The following LINGO2 variants were observed in gnomAD, a reference collection of about 807,000 sequenced individuals.
The protein encoded by LINGO2 is leucine-rich repeat and immunoglobulin-like domain-containing nogo receptor-interacting protein 2.
A neutral mutation model predicts 30.6 loss-of-function variants in LINGO2; 14 were observed. The ratio of observed to expected loss-of-function variants is 0.46; its 90% confidence interval spans 0.30 to 0.72. The LOEUF is 0.72. Among genes scored for constraint, LINGO2 ranks in the 30% least tolerant of loss-of-function variants. The pLI, the probability that LINGO2 is intolerant of heterozygous loss-of-function variation, is 0.07. For synonymous variants in LINGO2, 317 were observed against 288.5 expected, an observed-to-expected ratio of 1.10 and a Z score of -1.00; for missense variants, 729 against 751.7, an observed-to-expected ratio of 0.97 and a Z score of 0.35.
intron 3 of LINGO2, among the ~76,000 whole-genome samples, chr9:28,309,059 T>A (rs1300120311): frequency 2.0e-5 from 3 of 152,166 alleles, no homozygotes; most frequent in African/African-American, 7.2e-5. Context: ...AAATACCATT[T>A]GACCCAGCCA....
At chr9:27,988,146 T>A (rs553526034) in intron 5 of LINGO2, among the ~76,000 whole-genome samples, 124 of 152,164 alleles carry the variant, frequency 8.1e-4, no homozygotes, top group African/African-American at 2.7e-3. Context: ...AATGATGGTT[T>A]CCTGCTTCAT....
At chr9:29,007,498 C>G in the LINGO2 span, among the ~76,000 whole-genome samples, 1 of 152,114 alleles carries the variant, frequency 6.6e-6, no homozygotes, top group Non-Finnish European at 1.5e-5. Flanking sequence ...ACCCATATTT[C>G]TCAGACCTTG....
chr9:28,999,320 C>G, the LINGO2 span, among the ~76,000 whole-genome samples: 1 of 151,982 alleles, frequency 6.6e-6, no homozygotes, highest in East Asian at 1.9e-4. Context: ...CTTCATTTCT[C>G]CAGGGGTGAT....
chr9:29,161,487 T>C, the LINGO2 span, among the ~76,000 whole-genome samples: 2 of 152,190 alleles, frequency 1.3e-5, no homozygotes, highest in African/African-American at 4.8e-5. Context: ...ATCCTATGAA[T>C]GTCTCAAAAT....
the LINGO2 span, among the ~76,000 whole-genome samples, chr9:29,182,936 A>G: frequency 2.0e-5 from 3 of 152,206 alleles, no homozygotes; most frequent in African/African-American, 7.2e-5. Context: ...AGAGCTATTC[A>G]TATCTCAATG....
At chr9:27,980,537 C>T (rs1377905611) in intron 5 of LINGO2, among the ~76,000 whole-genome samples, 1 of 151,966 alleles carries the variant, frequency 6.6e-6, no homozygotes, top group South Asian at 2.1e-4. Flanking sequence ...TTGACCGCTG[C>T]TAACAAGATG....
At chr9:28,467,039 G>GC (rs796381475) in intron 2 of LINGO2, among the ~76,000 whole-genome samples, 1 of 150,036 alleles carries the variant, frequency 6.7e-6, no homozygotes, top group South Asian at 2.1e-4. Context: ...TTTTTTTGGG[G>GC]GGGGGGGACG....
At chr9:28,629,988 G>T in intron 1 of LINGO2, among the ~76,000 whole-genome samples, 1 of 145,166 alleles carries the variant, frequency 6.9e-6, no homozygotes, top group African/African-American at 2.6e-5. Flanking sequence ...TGATCTCATT[G>T]TTCAATTCCC....
At chr9:28,447,867 C>A (rs572201424) in intron 2 of LINGO2, among the ~76,000 whole-genome samples, 1 of 152,204 alleles carries the variant, frequency 6.6e-6, no homozygotes, top group South Asian at 2.1e-4. Context: ...TAAATAAGAA[C>A]ACATATTGAT....
chr9:27,950,191 C>G (rs762920432), exon 6 of LINGO2: 1 of 1,614,018 alleles, frequency 6.2e-7, no homozygotes, highest in Non-Finnish European at 8.5e-7. Context: ...TCATTGTCCC[C>G]CACTTCTAGA....
chr9:28,104,150 T>C (rs1826500263), intron 4 of LINGO2, among the ~76,000 whole-genome samples: 2 of 151,890 alleles, frequency 1.3e-5, no homozygotes, highest in African/African-American at 2.4e-5. Flanking sequence ...CTCCTCTCTG[T>C]CCTTCTTGGG....
the LINGO2 span, among the ~76,000 whole-genome samples, chr9:28,923,577 A>C: frequency 6.6e-6 from 1 of 152,200 alleles, no homozygotes; most frequent in African/African-American, 2.4e-5. Context: ...TCCAAGAGTG[A>C]ATCCTGGAAG....
At position 28,147,944 on chromosome 9, in the gene LINGO2, C is replaced by T. The variant is rs560373758; in HGVS notation, c.-86-135539G>A. On this transcript the variant is annotated intron_variant, in intron 4 of 5. Transcript: ENST00000379992. This position sits in a 1 kb window ranked among gnomAD's most constrained non-coding sequence, Gnocchi z 4.7. Reference sequence around the variant, plus strand: ...GTGGGTGACTTAGGAGTATCCTCTCCGCTTCTGACCCTTGGTTTCGTCTGT... The same window carrying T: ...GTGGGTGACTTAGGAGTATCCTCTCTGCTTCTGACCCTTGGTTTCGTCTGT... 9.1e-3 allele frequency among the ~76,000 whole-genome samples: 1,387 copies of T among 152,292 alleles called. 13 individuals are homozygous for T. Among genetic ancestry groups the T allele is most frequent in the African/African-American group, 0.03 (1,262 of 41,562 alleles).
intron 4 of LINGO2, among the ~76,000 whole-genome samples, chr9:28,197,298 A>C (rs1820047359): frequency 6.6e-6 from 1 of 151,970 alleles, no homozygotes; most frequent in Non-Finnish European, 1.5e-5. Context: ...TAAGGAAAAC[A>C]AATAGAATAT....
chr9:28,724,348 C>T, the LINGO2 span, among the ~76,000 whole-genome samples: 1 of 151,986 alleles, frequency 6.6e-6, no homozygotes, highest in Non-Finnish European at 1.5e-5. Flanking sequence ...CTTTTATTGC[C>T]CAAGGGAAAT....
chr9:29,213,109 A>G, the LINGO2 span, among the ~76,000 whole-genome samples: 2 of 152,054 alleles, frequency 1.3e-5, no homozygotes, highest in South Asian at 2.1e-4. Context: ...CCTTCGTACC[A>G]GTGGAAATGG....
At chr9:27,980,501 C>T (rs1379042803) in intron 5 of LINGO2, among the ~76,000 whole-genome samples, 6 of 151,852 alleles carry the variant, frequency 4.0e-5, no homozygotes, top group Non-Finnish European at 5.9e-5. Context: ...ATTGCTATTG[C>T]CTTTAAAGGG....
At chr9:28,476,711 G>A (rs1237509670) in intron 1 of LINGO2, among the ~76,000 whole-genome samples, 7 of 152,198 alleles carry the variant, frequency 4.6e-5, no homozygotes, top group Admixed American at 2.0e-4. Flanking sequence ...AAAACAGACC[G>A]GAAGGAGACA....
At chr9:28,929,696 T>C in the LINGO2 span, among the ~76,000 whole-genome samples, 2 of 152,186 alleles carry the variant, frequency 1.3e-5, no homozygotes, top group Non-Finnish European at 2.9e-5. Context: ...AAGTATTATG[T>C]CACAACACTG....
Sources: allele counts gnomAD v4.1 joint callset (sites outside exome capture counted in the v4.1 genomes callset), GRCh38; gene constraint gnomAD v4.1.1; non-coding constraint Gnocchi (gnomAD v3.1); transcripts MANE v1.5; gene names NCBI Gene and HGNC (gene_info 2026-07-23, HGNC 2026-07-21).